Variants in EHBP1 observed in about 807,000 individuals in gnomAD.
The protein encoded by EHBP1 is EH domain binding protein 1.
A neutral mutation model predicts 144.0 loss-of-function variants in EHBP1; 55 were observed. The ratio of observed to expected loss-of-function variants is 0.38; its 90% confidence interval spans 0.31 to 0.48. EHBP1 has a LOEUF of 0.48. Among genes scored for constraint, EHBP1 ranks in the 20% least tolerant of loss-of-function variants. EHBP1 has a pLI of 0.98. For synonymous variants in EHBP1, 469 were observed against 472.7 expected (o/e 0.99, Z 0.10); for missense variants, 1,200 against 1,364.2 (o/e 0.88, Z 1.90).
intron 10 of EHBP1, among the ~76,000 whole-genome samples, chr2:62,900,250 A>G (rs1307393137): frequency 6.6e-6 from 1 of 152,174 alleles, no homozygotes; most frequent in Non-Finnish European, 1.5e-5. Context: ...CATCATTGAG[A>G]AAGTGTAATT....
intron 2 of EHBP1, among the ~76,000 whole-genome samples, chr2:62,743,495 C>T (rs2038899942): frequency 6.6e-6 from 1 of 152,022 alleles, no homozygotes; most frequent in South Asian, 2.1e-4. Flanking sequence ...TTCTTTCATC[C>T]TTGTATCTCC....
Position 62,721,756 on chromosome 2 carries a change from T to TA in EHBP1, c.104+14462dup, listed in dbSNP as rs377222702. Among the ~76,000 whole-genome samples the TA allele has an allele frequency of 5.7e-3, 868 of 152,332 alleles. 6 individuals carry two copies. Among genetic ancestry groups the TA allele is most frequent in the Middle Eastern group, 0.014 (4 of 294 alleles). On this transcript the variant is annotated intron_variant, in intron 2 of 22. Transcript: ENST00000431489. Reference sequence around the variant, plus strand: ...CAAGATTTGTCCTTTATTCCTCATTTATTTATTCAGTTATTTATTCATATC... The same window carrying TA: ...CAAGATTTGTCCTTTATTCCTCATTTAATTTATTCAGTTATTTATTCATATC...
chr2:62,727,141 G>A (rs989854763), intron 2 of EHBP1, among the ~76,000 whole-genome samples: 2 of 152,142 alleles, frequency 1.3e-5, no homozygotes, highest in African/African-American at 2.4e-5. Context: ...GATTACAGGC[G>A]TGAGCCACTG....
In EHBP1 at chr2:62,990,850, A is replaced by G; in HGVS notation, c.2733+10A>G. The G allele has an allele frequency of 6.2e-7, 1 of 1,605,278 alleles. No individual in the cohort carries two copies. The highest frequency in any genetic ancestry group is 1.3e-5 in the African/African-American group (1 of 74,660). On this transcript the variant is annotated intron_variant, in intron 16 of 22. Transcript: ENST00000431489. ...AGAGCAGGACATGAAAGTAAGTCTT[A>G]CTTGTTTAAAACATTTGGCTTAGTA...
intron 7 of EHBP1, among the ~76,000 whole-genome samples, chr2:62,836,589 G>C (rs1427765048): frequency 1.1e-3 from 112 of 97,644 alleles, no homozygotes; most frequent in Admixed American, 2.7e-3. Context: ...TGAAAACTTT[G>C]AAAAAAATTT....
At chr2:62,911,770 T>TTTAAATCC (rs1048243923) in intron 10 of EHBP1, among the ~76,000 whole-genome samples, 2 of 152,156 alleles carry the variant, frequency 1.3e-5, no homozygotes, top group Non-Finnish European at 2.9e-5. Flanking sequence ...CCTAGCAACT[T>TTTAAATCC]TTAAATCCTT....
intron 15 of EHBP1, among the ~76,000 whole-genome samples, chr2:62,981,399 C>T (rs2058964198): frequency 6.6e-6 from 1 of 152,126 alleles, no homozygotes; most frequent in Non-Finnish European, 1.5e-5. Context: ...TGCCACCTTC[C>T]TGTGGCATCA....
chr2:62,852,349 A>G (rs1196310692), intron 7 of EHBP1, among the ~76,000 whole-genome samples: 1 of 152,104 alleles, frequency 6.6e-6, no homozygotes, highest in East Asian at 1.9e-4. Flanking sequence ...TTGGTTATTG[A>G]TGAGAATTAG....
intron 7 of EHBP1, among the ~76,000 whole-genome samples, chr2:62,847,765 G>C (rs2048394957): frequency 6.6e-6 from 1 of 152,086 alleles, no homozygotes; most frequent in South Asian, 2.1e-4. Context: ...CTTGTTTCCA[G>C]AACAGATTTT....
chr2:62,736,766 C>A (rs2038177006), intron 2 of EHBP1, among the ~76,000 whole-genome samples: 1 of 152,150 alleles, frequency 6.6e-6, no homozygotes, highest in Non-Finnish European at 1.5e-5. Flanking sequence ...TCCATTAGAG[C>A]CCTTAGTATA....
At chr2:62,802,978 G>A (rs1012839826) in intron 5 of EHBP1, among the ~76,000 whole-genome samples, 1 of 152,110 alleles carries the variant, frequency 6.6e-6, no homozygotes, top group African/African-American at 2.4e-5. Context: ...GCCCACGTTG[G>A]CCTCCCAAAG....
chr2:62,845,648 T>C (rs545234368), intron 7 of EHBP1, among the ~76,000 whole-genome samples: 11 of 150,604 alleles, frequency 7.3e-5, no homozygotes, highest in Admixed American at 5.3e-4. Flanking sequence ...CACCCACCAG[T>C]ACCTAGGCAT....
intron 10 of EHBP1, among the ~76,000 whole-genome samples, chr2:62,935,328 C>CAAAA (rs550896639): frequency 4.7e-5 from 5 of 106,488 alleles, no homozygotes; most frequent in Non-Finnish European, 9.6e-5. Context: ...GACTCCATCT[C>CAAAA]AAAAAAAAAA....
chr2:62,920,707 G>A (rs909438207), intron 10 of EHBP1, among the ~76,000 whole-genome samples: 3 of 151,866 alleles, frequency 2.0e-5, no homozygotes, highest in South Asian at 2.1e-4. Context: ...GTGTCACCTG[G>A]GGTAGAGTGC....
chr2:62,863,837 G>GTGT (rs2049811245), intron 8 of EHBP1, among the ~76,000 whole-genome samples: 5 of 74,574 alleles, frequency 6.7e-5, no homozygotes, highest in African/African-American at 9.8e-5. Context: ...ATTTTTCTGT[G>GTGT]TTGTTTTTTT....
chr2:62,683,117 C>G (rs1374978178), intron 1 of EHBP1, among the ~76,000 whole-genome samples: 3 of 132,228 alleles, frequency 2.3e-5, no homozygotes, highest in South Asian at 5.4e-4. Flanking sequence ...TCCAAGGAGG[C>G]AGCTACTGTC....
At chr2:63,039,888 A>G (rs2153368547) in intron 21 of EHBP1, among the ~76,000 whole-genome samples, 1 of 152,238 alleles carries the variant, frequency 6.6e-6, no homozygotes, top group South Asian at 2.1e-4. Flanking sequence ...AATCTGATTT[A>G]CCTTATTTTG....
intron 3 of EHBP1, among the ~76,000 whole-genome samples, chr2:62,757,957 A>C (rs1246431582): frequency 2.0e-5 from 3 of 151,358 alleles, no homozygotes; most frequent in Admixed American, 6.6e-5. Flanking sequence ...GCTTGCAGTG[A>C]GCCCAGATAG....
At chr2:62,711,354 ACAAT>A (rs1346412777) in intron 2 of EHBP1, among the ~76,000 whole-genome samples, 2 of 152,192 alleles carry the variant, frequency 1.3e-5, no homozygotes, top group African/African-American at 2.4e-5. Context: ...AAAGTAAGAG[ACAAT>A]CAATAATGAC....
Sources: allele counts gnomAD v4.1 joint callset (sites outside exome capture counted in the v4.1 genomes callset), GRCh38; gene constraint gnomAD v4.1.1; transcripts MANE v1.5; gene names NCBI Gene and HGNC (gene_info 2026-07-23, HGNC 2026-07-21).